RB1: variants seen among roughly 807,000 people sequenced by gnomAD.
The protein encoded by RB1 is RB transcriptional corepressor 1.
RB1 carries 18 observed loss-of-function variants against 135.4 expected under a neutral mutation model. The observed-to-expected ratio is 0.13, with a 90% CI of 0.09 to 0.20. RB1 has a LOEUF of 0.20. RB1 is among the 10% of genes least tolerant of loss of function. The probability of loss-of-function intolerance (pLI) is 1.00; values close to 1 mark genes in which losing one functional copy is unlikely to be tolerated. For synonymous variants in RB1, 365 were observed against 373.2 expected, an observed-to-expected ratio of 0.98 and a Z score of 0.25; for missense variants, 868 against 1,110.0, an observed-to-expected ratio of 0.78 and a Z score of 3.10.
Position 48,347,848 on chromosome 13 carries a change from C to T in RB1, c.524C>T (p.Thr175Ile). ...AGGACATGTGAACTTATATATTTGA[C>T]ACAACCCAGCAGTTCGTAAGTAGTT... ...LERTCELIYL[T>I]QPSSSISTEI... Residue 175 changes from threonine to isoleucine, a missense_variant, in exon 5 of 27, where the codon ACA becomes ATA. By Grantham distance (89) the Thr-to-Ile change is moderately conservative. Transcript: ENST00000267163. 1 of 1,593,670 alleles carries T rather than the reference C, an allele frequency of 6.3e-7. No individual in the cohort carries two copies. Among genetic ancestry groups the T allele is most frequent in the Non-Finnish European group, 8.6e-7 (1 of 1,162,892 alleles).
At chr13:48,316,284 G>A (rs548338194) in intron 2 of RB1, among the ~76,000 whole-genome samples, 5 of 152,096 alleles carry the variant, frequency 3.3e-5, no homozygotes, top group Admixed American at 2.6e-4. Context: ...GGGCGGGGGT[G>A]TCCTCTGTAT....
chr13:48,400,865 G>A (rs1037372554), intron 17 of RB1, among the ~76,000 whole-genome samples: 6 of 152,056 alleles, frequency 3.9e-5, no homozygotes, highest in Non-Finnish European at 5.9e-5. Context: ...ACAGAGAACC[G>A]AGGATTCAGT....
chr13:48,379,742 A>C (rs1322391130), intron 14 of RB1, 92 bp downstream of exon 14: 1 of 1,453,970 alleles, frequency 6.9e-7, no homozygotes, highest in African/African-American at 1.4e-5. Flanking sequence ...TGGGCAGATC[A>C]GGAGGTCAAG....
chr13:48,319,227 T>C lies in RB1; in HGVS notation c.264+11821T>C. 1 of 797,368 alleles carries C rather than the reference T, an allele frequency of 1.3e-6. No individual in the cohort carries two copies. The highest frequency in any genetic ancestry group is 1.7e-5 in the South Asian group (1 of 60,366). The allele number at this position is 797,368 out of a possible 1,614,324, so 49.4% of individuals were successfully genotyped here. A position where few individuals can be genotyped will look rare whatever the true frequency, so the allele number is the denominator to read the frequency against. On this transcript the variant is annotated intron_variant, in intron 2 of 26. Transcript: ENST00000267163. The surrounding 1 kb of genome is among the most constrained non-coding windows in gnomAD (Gnocchi z 5.0). ...CACTGGCTTCCTCTAGCTGGGTGTT[T>C]TCCTGTGGGTCTCGCGCAAGGCACT...
intron 2 of RB1, among the ~76,000 whole-genome samples, chr13:48,339,538 TG>T (rs556663668): frequency 9.6e-4 from 146 of 152,254 alleles, no homozygotes; most frequent in African/African-American, 3.5e-3. Context: ...AGTATTAGGG[TG>T]GGAGTGACCC....
At chr13:48,320,660 G>A (rs1484746290) in intron 2 of RB1, among the ~76,000 whole-genome samples, 2 of 151,962 alleles carry the variant, frequency 1.3e-5, no homozygotes, top group East Asian at 1.9e-4. Flanking sequence ...CTGAAACCCC[G>A]TCTCTACTAA....
intron 2 of RB1, among the ~76,000 whole-genome samples, chr13:48,323,546 A>G (rs1232517707): frequency 6.6e-6 from 1 of 151,718 alleles, no homozygotes; most frequent in African/African-American, 2.4e-5. Context: ...CTGTTTTTTC[A>G]CTACCCAATG....
Position 48,459,960 on chromosome 13 carries a change from T to TTTTC in RB1, c.2106+129_2106+130insTCTT, listed in dbSNP as rs1949392297. 2.8e-5 allele frequency: 12 copies of TTTTC among 428,050 alleles called. 2 individuals are homozygous for TTTTC. In the African/African-American group the frequency reaches 6.2e-4, roughly 22 times the overall value. 26.5% of individuals were successfully genotyped at this position (428,050 alleles called of 1,614,324 possible). On this transcript the variant is annotated intron_variant, in intron 20 of 26. Transcript: ENST00000267163. Reference sequence around the variant, plus strand: ...TTCTTTCTTTCTTTCTTTTTCTTTCTTTCTTTCTCTCTTTCTTTCTTTTTT... The same window carrying TTTTC: ...TTCTTTCTTTCTTTCTTTTTCTTTCTTTTCTTCTTTCTCTCTTTCTTTCTTTTTT...
At chr13:48,318,503 C>A in intron 2 of RB1, 5 of 1,103,410 alleles carry the variant, frequency 4.5e-6, no homozygotes, top group Non-Finnish European at 6.5e-6. Flanking sequence ...GGCCCTGCGT[C>A]ATGCGAGTGT....
rs148432454 is a variant in RB1, at chr13:48,404,767, C to G, written c.1695+23324C>G. On this transcript the variant is annotated intron_variant, in intron 17 of 26. Coordinates refer to ENST00000267163, the MANE Select transcript of RB1 (RefSeq NM_000321.3). ...ATCTTAAACTCCTGACATCGTGATC[C>G]GCCTGCCTCGGCCTCCCAAAGTGCT... is the stretch of plus-strand genomic sequence containing the variant. Among the ~76,000 whole-genome samples the G allele has an allele frequency of 3.9e-5, 6 of 152,036 alleles. No homozygotes were observed. In the East Asian group the frequency reaches 1.2e-3, roughly 29 times the overall value.
chr13:48,318,674 C>T (rs544897605), intron 2 of RB1: 18 of 612,978 alleles, frequency 2.9e-5, no homozygotes, highest in East Asian at 2.1e-4. Flanking sequence ...TGGGCGTGGA[C>T]GGCCTCATGG....
chr13:48,465,093 G>A lies in RB1; in HGVS notation c.2307G>A (p.Leu769=), dbSNP rs1368191348. The stretch of plus-strand genomic sequence containing the variant: ...TGCAGAGACTGAAAACAAATATTTT[G>A]CAGTATGCTTCCACCAGGGTAGGTC... ...VFMQRLKTNI[L]QYASTRPPTL... is the part of the protein sequence containing the mutation. The change falls in exon 22 of 27, where the codon TTG becomes TTA. Residue 769 remains leucine (L), a synonymous_variant. Transcript: ENST00000267163. The A allele has an allele frequency of 1.2e-6, 2 of 1,607,118 alleles. No homozygotes were observed. Among genetic ancestry groups the A allele is most frequent in the African/African-American group, 2.7e-5 (2 of 74,028 alleles).
rs781533642 is a variant in RB1, at chr13:48,476,861, A to G, written c.2663+18A>G. 4 of 1,612,728 alleles carry G rather than the reference A, an allele frequency of 2.5e-6. No individual in the cohort carries two copies. Among genetic ancestry groups the G allele is most frequent in the Non-Finnish European group, 3.4e-6 (4 of 1,179,096 alleles). ...GATGGAAGGTAGGAACCAGTTTTGAATGTTTTCCAGTAGCCGAGATGGTCA... is the reference window on the plus strand; with the variant it reads ...GATGGAAGGTAGGAACCAGTTTTGAGTGTTTTCCAGTAGCCGAGATGGTCA... On this transcript the variant is annotated intron_variant, in intron 25 of 26. Coordinates refer to ENST00000267163, the MANE Select transcript of RB1 (RefSeq NM_000321.3).
chr13:48,476,753 T>C lies in RB1; in HGVS notation c.2573T>C (p.Val858Ala), dbSNP rs1242773691. ...INQMVCNSDR[V>A]LKRSAEGSNP... ...CAGATGGTATGTAACAGCGACCGTG[T>C]GCTCAAAAGAAGTGCTGAAGGAAGC... The change falls in exon 25 of 27, where the codon GTG becomes GCG. Residue 858 changes from valine to alanine, a missense_variant. This residue lies in a region of RB1 where 196 missense variants were observed against 239.8 expected (regional missense o/e 0.82). Coordinates refer to ENST00000267163, the MANE Select transcript of RB1 (RefSeq NM_000321.3). The C allele has an allele frequency of 1.2e-6, 2 of 1,613,600 alleles. No individual in the cohort carries two copies. The highest frequency in any genetic ancestry group is 1.7e-6 in the Non-Finnish European group (2 of 1,179,606).
At chr13:48,342,853 T>C (rs773149303) in intron 3 of RB1, 139 bp downstream of exon 3, 70 of 638,048 alleles carry the variant, frequency 1.1e-4, no homozygotes, top group Non-Finnish European at 1.8e-4. Context: ...AATAGTGAAC[T>C]GCCATTCTCT....
intron 17 of RB1, among the ~76,000 whole-genome samples, chr13:48,420,647 C>T (rs1948991309): frequency 6.6e-6 from 1 of 152,166 alleles, no homozygotes; most frequent in South Asian, 2.1e-4. Context: ...CCCATTATCT[C>T]AGCCCAAAAT....
At chr13:48,455,148 A>T (rs4942766) in intron 18 of RB1, among the ~76,000 whole-genome samples, 4 of 152,348 alleles carry the variant, frequency 2.6e-5, no homozygotes, top group Admixed American at 1.3e-4. Flanking sequence ...TAGGTTTTAC[A>T]TTGGTTTTAT....
At chr13:48,340,485 A>T (rs1952432419) in intron 2 of RB1, among the ~76,000 whole-genome samples, 1 of 152,112 alleles carries the variant, frequency 6.6e-6, no homozygotes, top group Non-Finnish European at 1.5e-5. Context: ...TGTTTTGACT[A>T]CTAAATGTTC....
chr13:48,325,493 T>A (rs1308268141), intron 2 of RB1, among the ~76,000 whole-genome samples: 1 of 152,170 alleles, frequency 6.6e-6, no homozygotes, highest in Non-Finnish European at 1.5e-5. Context: ...TAGATTCACA[T>A]GGTTCAAGAT....
Sources: allele counts gnomAD v4.1 joint callset (sites outside exome capture counted in the v4.1 genomes callset), GRCh38; gene constraint gnomAD v4.1.1; regional missense constraint gnomAD v4.1.1; non-coding constraint Gnocchi (gnomAD v3.1); transcripts MANE v1.5; gene names NCBI Gene and HGNC (gene_info 2026-07-23, HGNC 2026-07-21).